Variants in ASIC2 observed in about 807,000 individuals in gnomAD.
ASIC2 encodes acid-sensing ion channel 2.
ASIC2 carries 25 observed loss-of-function variants against 57.3 expected under a neutral mutation model. The ratio of observed to expected loss-of-function variants is 0.44; its 90% confidence interval spans 0.32 to 0.61. The LOEUF (loss-of-function observed/expected upper bound fraction) is 0.61, where lower values mean the gene tolerates loss of function less well. ASIC2 is among the 20% of genes least tolerant of loss of function. ASIC2 has a pLI of 0.06. For missense variants in ASIC2, 641 were observed against 738.1 expected, an observed-to-expected ratio of 0.87 and a Z score of 1.52; for synonymous variants, 319 against 307.5, an observed-to-expected ratio of 1.04 and a Z score of -0.39.
At chr17:34,004,638 T>C (rs8080262) in intron 1 of ASIC2, 50,458 of 152,082 alleles carry the variant, frequency 0.33, 11,095 homozygotes, top group African/African-American at 0.6. Flanking sequence ...GCTCAGTTTC[T>C]GCTTCTGTTT....
intron 1 of ASIC2, among the ~76,000 whole-genome samples, chr17:33,914,784 G>A (rs1915548532): frequency 6.6e-6 from 1 of 152,192 alleles, no homozygotes; most frequent in South Asian, 2.1e-4. Context: ...GAGATTTTAA[G>A]TAAGCTGGGA....
At chr17:33,196,392 C>T (rs1734110479) in intron 1 of ASIC2, among the ~76,000 whole-genome samples, 1 of 152,122 alleles carries the variant, frequency 6.6e-6, no homozygotes, top group Non-Finnish European at 1.5e-5. Context: ...AAAGATGCTC[C>T]AGCCTCCTTC....
intron 1 of ASIC2, among the ~76,000 whole-genome samples, chr17:33,196,078 C>G (rs1906614232): frequency 6.6e-6 from 1 of 152,192 alleles, no homozygotes; most frequent in African/African-American, 2.4e-5. Flanking sequence ...GGAAGCAATG[C>G]TTACATGCCA....
intron 3 of ASIC2, among the ~76,000 whole-genome samples, chr17:33,058,603 T>A (rs984726411): frequency 1.3e-5 from 2 of 152,136 alleles, no homozygotes; most frequent in African/African-American, 4.8e-5. Context: ...CCCTGGTTTT[T>A]CTTGTCTATG....
chr17:33,591,194 C>T (rs1182124852), intron 1 of ASIC2, among the ~76,000 whole-genome samples: 1 of 152,210 alleles, frequency 6.6e-6, no homozygotes, highest in Admixed American at 6.5e-5. Context: ...TTACTGGCTG[C>T]CTGTCTGGTT....
chr17:33,307,289 CTT>C (rs1906222438), intron 1 of ASIC2, among the ~76,000 whole-genome samples: 2 of 151,108 alleles, frequency 1.3e-5, no homozygotes, highest in African/African-American at 2.4e-5. Context: ...TCTTCTTCTT[CTT>C]CTTCTTCTTC....
chr17:33,721,525 A>T (rs1018357414), intron 1 of ASIC2, among the ~76,000 whole-genome samples: 1 of 152,170 alleles, frequency 6.6e-6, no homozygotes, highest in Non-Finnish European at 1.5e-5. Context: ...TCCTCTGCCA[A>T]CCTGGGTCCC....
At chr17:33,957,146 C>T (rs1405097236) in intron 1 of ASIC2, among the ~76,000 whole-genome samples, 1 of 152,186 alleles carries the variant, frequency 6.6e-6, no homozygotes, top group Non-Finnish European at 1.5e-5. Context: ...CTACCATGCC[C>T]CCACTCATAC....
intron 1 of ASIC2, among the ~76,000 whole-genome samples, chr17:33,648,489 G>C (rs1233273002): frequency 1.3e-5 from 2 of 152,234 alleles, no homozygotes; most frequent in South Asian, 2.1e-4. Context: ...GAATAAATAA[G>C]TAGAAGACAA....
intron 3 of ASIC2, among the ~76,000 whole-genome samples, chr17:33,055,842 ATGG>A (rs766467226): frequency 3.3e-5 from 5 of 152,142 alleles, no homozygotes; most frequent in Non-Finnish European, 5.9e-5. Context: ...TCCGTGATAA[ATGG>A]TGGAATTAAT....
intron 1 of ASIC2, among the ~76,000 whole-genome samples, chr17:33,564,187 T>C (rs1916163272): frequency 6.6e-6 from 1 of 152,202 alleles, no homozygotes; most frequent in Admixed American, 6.5e-5. Flanking sequence ...CACACTGCCT[T>C]GTCTCTGTCT....
intron 1 of ASIC2, among the ~76,000 whole-genome samples, chr17:33,747,179 C>A (rs1910292990): frequency 6.6e-6 from 1 of 151,002 alleles, no homozygotes. Context: ...TCTCTGCTCT[C>A]CTGCAGGGCA....
Position 33,888,637 on chromosome 17 carries a change from G to T in ASIC2, c.555+267341C>A, listed in dbSNP as rs139649836. 2.5e-4 allele frequency among the ~76,000 whole-genome samples: 38 copies of T among 152,152 alleles called. No individual in the cohort carries two copies. In the East Asian group the frequency reaches 7.2e-3, roughly 29 times the overall value. ...GTGAGACTGCTTTAGAAGAACCCAG[G>T]GGCCAAAGGAGTGAGTCATCTGCCC... On this transcript the variant is annotated intron_variant, in intron 1 of 9. Coordinates refer to the ASIC2 transcript ENST00000359872.
intron 1 of ASIC2, among the ~76,000 whole-genome samples, chr17:33,917,264 C>A (rs1915603869): frequency 6.6e-6 from 1 of 152,178 alleles, no homozygotes; most frequent in Non-Finnish European, 1.5e-5. Context: ...TCATGCTCTT[C>A]TTGGGTGTCC....
chr17:33,910,564 G>T (rs1466142209), intron 1 of ASIC2, among the ~76,000 whole-genome samples: 3 of 152,086 alleles, frequency 2.0e-5, no homozygotes, highest in Non-Finnish European at 4.4e-5. Context: ...CATAGAATTT[G>T]TCACAATTTT....
intron 1 of ASIC2, among the ~76,000 whole-genome samples, chr17:33,649,455 T>C (rs563065016): frequency 6.6e-6 from 1 of 152,350 alleles, no homozygotes; most frequent in African/African-American, 2.4e-5. Flanking sequence ...ATATCAACTC[T>C]TCCCAAATTG....
At chr17:33,867,254 G>T (rs1160519107) in intron 1 of ASIC2, among the ~76,000 whole-genome samples, 3 of 137,962 alleles carry the variant, frequency 2.2e-5, no homozygotes, top group East Asian at 6.4e-4. Flanking sequence ...GCTGGCTGAA[G>T]TTTCCCCAGT....
At chr17:33,154,923 T>C (rs563918498) in intron 1 of ASIC2, among the ~76,000 whole-genome samples, 64 of 152,338 alleles carry the variant, frequency 4.2e-4, no homozygotes, top group Non-Finnish European at 7.2e-4. Context: ...TTTGTAATTA[T>C]TGTGTGGTGT....
At chr17:33,915,003 C>T (rs1915553703) in intron 1 of ASIC2, among the ~76,000 whole-genome samples, 1 of 152,180 alleles carries the variant, frequency 6.6e-6, no homozygotes, top group Admixed American at 6.6e-5. Context: ...CTTAACTCAA[C>T]CTGAAGGGTT....
Sources: allele counts gnomAD v4.1 joint callset (sites outside exome capture counted in the v4.1 genomes callset), GRCh38; gene constraint gnomAD v4.1.1; transcripts MANE v1.5; gene names NCBI Gene and HGNC (gene_info 2026-07-23, HGNC 2026-07-21).